The following CBLN2 variants were observed in gnomAD, a reference collection of about 807,000 sequenced individuals.
CBLN2 encodes the protein cerebellin 2 precursor.
CBLN2 carries 7 observed loss-of-function variants against 15.0 expected under a neutral mutation model. That is an observed-to-expected ratio of 0.47 (90% confidence interval 0.27 to 0.88). The LOEUF is 0.88. Among genes scored for constraint, CBLN2 ranks in the 40% least tolerant of loss-of-function variants. The pLI is 0.14. For synonymous variants in CBLN2, 149 were observed against 135.2 expected (o/e 1.10, Z -0.71); for missense variants, 242 against 304.5 (o/e 0.79, Z 1.53).
At chr18:72,564,042 G>T (rs541361164) in intron 1 of CBLN2, among the ~76,000 whole-genome samples, 1 of 152,280 alleles carries the variant, frequency 6.6e-6, no homozygotes, top group African/African-American at 2.4e-5. Context: ...AAACGTACCT[G>T]CAGGTGGAAG....
intron 1 of CBLN2, among the ~76,000 whole-genome samples, chr18:72,600,810 A>G (rs1046796991): frequency 6.6e-6 from 1 of 152,144 alleles, no homozygotes; most frequent in African/African-American, 2.4e-5. Flanking sequence ...AGAACTGGGA[A>G]CATTGATTGG....
At position 72,543,627 on chromosome 18, in the gene CBLN2, C is replaced by G. The variant is rs571084129; in HGVS notation, c.-211-97G>C. The G allele has an allele frequency of 1.4e-4, 53 of 388,724 alleles. No homozygotes were observed. Among genetic ancestry groups the G allele is most frequent in the African/African-American group, 9.7e-4 (47 of 48,378 alleles). The allele number at this position is 388,724 out of a possible 1,614,324, so 24.1% of individuals were successfully genotyped here. On this transcript the variant is annotated intron_variant, in intron 1 of 4. Transcript: ENST00000269503. The surrounding 1 kb of genome is among the most constrained non-coding windows in gnomAD (Gnocchi z 6.8). ...GTGGCCAATAACCGCGCCGCCCCGC[C>G]CTGCCGCTTTCCCGCGCCAGCCTGC... is the stretch of plus-strand genomic sequence containing the variant.
intron 1 of CBLN2, among the ~76,000 whole-genome samples, chr18:72,610,757 A>T (rs1362704076): frequency 6.6e-6 from 1 of 152,210 alleles, no homozygotes; most frequent in Non-Finnish European, 1.5e-5. Flanking sequence ...AATAGAATTT[A>T]ACACTTTTAT....
intron 1 of CBLN2, chr18:72,618,354 C>T: frequency 2.1e-6 from 1 of 485,714 alleles, no homozygotes; most frequent in African/African-American, 1.9e-5. Flanking sequence ...CAATGAGAGC[C>T]TGAAGAGCCA....
chr18:72,553,473 TA>T (rs2069204257), intron 1 of CBLN2, among the ~76,000 whole-genome samples: 1 of 151,556 alleles, frequency 6.6e-6, no homozygotes, highest in African/African-American at 2.4e-5. Context: ...GATAGATAGA[TA>T]GATAGATAGA....
At chr18:72,557,434 C>T (rs1020599295) in intron 1 of CBLN2, among the ~76,000 whole-genome samples, 8 of 152,114 alleles carry the variant, frequency 5.3e-5, no homozygotes, top group African/African-American at 1.7e-4. Context: ...TATTTTTGTT[C>T]TAGATCTCTG....
rs192579563 is a variant in CBLN2, at chr18:72,579,858, G to A, written c.16-41086C>T. On this transcript the variant is annotated intron_variant, in intron 1 of 2. Coordinates refer to the CBLN2 transcript ENST00000581073. ...AAATTGATTGACATGAAGATTTTTG[G>A]TCATATTATGTTTGTCTCCAAGGCT... is the stretch of plus-strand genomic sequence containing the variant. 6.5e-3 allele frequency among the ~76,000 whole-genome samples: 987 copies of A among 152,128 alleles called. 14 individuals are homozygous for A. Among genetic ancestry groups the A allele is most frequent in the African/African-American group, 0.022 (914 of 41,490 alleles).
At chr18:72,607,678 C>CCTCTCT (rs137899122) in intron 1 of CBLN2, among the ~76,000 whole-genome samples, 41 of 149,696 alleles carry the variant, frequency 2.7e-4, no homozygotes, top group South Asian at 1.1e-3. Context: ...TATGTAGATA[C>CCTCTCT]CTCTCTCTCT....
chr18:72,603,187 A>G (rs1190665452), intron 1 of CBLN2, among the ~76,000 whole-genome samples: 1 of 152,222 alleles, frequency 6.6e-6, no homozygotes, highest in Non-Finnish European at 1.5e-5. Flanking sequence ...TTCCTCTTCT[A>G]GTAACATCTT....
Position 72,541,785 on chromosome 18 carries a change from G to T in CBLN2, c.357+19C>A. On this transcript the variant is annotated intron_variant, in intron 3 of 4. Transcript: ENST00000269503. Reference sequence around the variant, plus strand: ...CCTCTCCCCGGGCTGGGGGCGGGGTGGGCAGGCCGACGGCTGACCTGGTCG... The same window carrying T: ...CCTCTCCCCGGGCTGGGGGCGGGGTTGGCAGGCCGACGGCTGACCTGGTCG... 6.6e-7 allele frequency: 1 copy of T among 1,512,258 alleles called. No homozygotes were observed. Among genetic ancestry groups the T allele is most frequent in the Non-Finnish European group, 8.8e-7 (1 of 1,130,938 alleles). The allele number at this position is 1,512,258 out of a possible 1,614,324, so 93.7% of individuals were successfully genotyped here.
chr18:72,584,048 G>A (rs188102317), intron 1 of CBLN2, among the ~76,000 whole-genome samples: 11 of 152,186 alleles, frequency 7.2e-5, no homozygotes, highest in African/African-American at 2.4e-4. Context: ...CTCTTTCCTC[G>A]CTCAGTTTTC....
chr18:72,540,224 C>T (rs1314893780), intron 3 of CBLN2: 4 of 152,184 alleles, frequency 2.6e-5, no homozygotes, highest in Non-Finnish European at 4.4e-5. Context: ...CTTCCTTTCA[C>T]CTCAACTCCT....
At position 72,542,083 on chromosome 18, in the gene CBLN2, G is replaced by A. The variant is rs746357871; in HGVS notation, c.78C>T (p.Gly26=). ...CCACCCCCAGGCAGGATCCGCAGCC[G>A]CCCGGCTCGCGCAGCGCCCCCCGGC... ...PGRRGALREP[G]GCGSCLGVAL... is the part of the protein sequence containing the mutation. Residue 26 remains glycine, a synonymous_variant, in exon 3 of 5, where the codon GGC becomes GGT. Coordinates refer to ENST00000269503, the MANE Select transcript of CBLN2 (RefSeq NM_182511.4). 4 of 1,531,098 alleles carry A rather than the reference G, an allele frequency of 2.6e-6. No individual in the cohort carries two copies. Among genetic ancestry groups the A allele is most frequent in the African/African-American group, 1.4e-5 (1 of 69,710 alleles). The allele number at this position is 1,531,098 out of a possible 1,614,324, so 94.8% of individuals were successfully genotyped here. A position where few individuals can be genotyped will look rare whatever the true frequency, so the allele number is the denominator to read the frequency against.
At chr18:72,538,473 C>T in intron 4 of CBLN2, 100 bp from the exon 5 acceptor site, 1 of 1,458,322 alleles carries the variant, frequency 6.9e-7, no homozygotes. Flanking sequence ...CCCATCCTTC[C>T]CTTAGAGTAC....
intron 1 of CBLN2, among the ~76,000 whole-genome samples, chr18:72,593,818 C>T (rs1255368658): frequency 6.6e-6 from 1 of 152,056 alleles, no homozygotes; most frequent in Non-Finnish European, 1.5e-5. Flanking sequence ...GATTAATTTG[C>T]ATATGTCATG....
At chr18:72,599,083 T>C (rs2069531419) in intron 1 of CBLN2, among the ~76,000 whole-genome samples, 1 of 152,208 alleles carries the variant, frequency 6.6e-6, no homozygotes, top group African/African-American at 2.4e-5. Flanking sequence ...TTCATTTTGG[T>C]GCTCCTGTTG....
intron 1 of CBLN2, among the ~76,000 whole-genome samples, chr18:72,549,884 G>T (rs2069181257): frequency 6.6e-6 from 1 of 151,790 alleles, no homozygotes; most frequent in Non-Finnish European, 1.5e-5. Context: ...CTTACCTAGG[G>T]TTGAAGATTT....
intron 1 of CBLN2, among the ~76,000 whole-genome samples, chr18:72,615,180 TATATTATATATAA>T (rs2069650722): frequency 7.5e-6 from 1 of 133,534 alleles, no homozygotes; most frequent in Non-Finnish European, 1.6e-5. Context: ...TATATATTTA[TATATTATATATAA>T]ATATATATTT....
chr18:72,570,289 T>C (rs933332012), intron 1 of CBLN2, among the ~76,000 whole-genome samples: 3 of 151,732 alleles, frequency 2.0e-5, no homozygotes, highest in African/African-American at 7.3e-5. Context: ...CTGGTTTTTT[T>C]TTTTTTTTTT....
Sources: allele counts gnomAD v4.1 joint callset (sites outside exome capture counted in the v4.1 genomes callset), GRCh38; gene constraint gnomAD v4.1.1; non-coding constraint Gnocchi (gnomAD v3.1); transcripts MANE v1.5; gene names NCBI Gene and HGNC (gene_info 2026-07-23, HGNC 2026-07-21).